Variants in MMUT observed in about 807,000 individuals in gnomAD.
MMUT encodes the protein methylmalonyl-CoA mutase, also known as methylmalonyl-CoA mutase, mitochondrial.
In MMUT, 79 loss-of-function variants were observed where a neutral mutation model predicts 79.9. The observed-to-expected ratio is 0.99, with a 90% CI of 0.82 to 1.19. The LOEUF is 1.19. MMUT is among the 50% of genes most tolerant of loss of function. MMUT has a pLI of 0.00. For synonymous variants in MMUT, 273 were observed against 295.7 expected (o/e 0.92, Z 0.79); for missense variants, 860 against 917.2 (o/e 0.94, Z 0.81).
At chr6:49,455,584 T>C (rs1226420230) in intron 4 of MMUT, among the ~76,000 whole-genome samples, 1 of 152,254 alleles carries the variant, frequency 6.6e-6, no homozygotes, top group African/African-American at 2.4e-5. Context: ...AACCACCGAA[T>C]GACTTTCGAC....
chr6:49,461,866 C>G (rs1767856645), intron 1 of MMUT, among the ~76,000 whole-genome samples: 1 of 152,084 alleles, frequency 6.6e-6, no homozygotes, highest in Non-Finnish European at 1.5e-5. Flanking sequence ...TGCAAGCCAT[C>G]CACTACATTT....
rs1766969018 is a variant in MMUT, at chr6:49,431,434, A to C, written c.*294T>G. 4.9e-6 allele frequency: 1 copy of C among 204,870 alleles called. No homozygotes were observed. Among genetic ancestry groups the C allele is most frequent in the Non-Finnish European group, 9.9e-6 (1 of 100,590 alleles). The allele number at this position is 204,870 out of a possible 1,614,324, so 12.7% of individuals were successfully genotyped here. On this transcript the variant is annotated 3_prime_UTR_variant, in exon 13 of 13. Transcript: ENST00000274813. The stretch of plus-strand genomic sequence containing the variant: ...TAAACAGATTTATAAGAAACATTCT[A>C]ATAAATACATCACCATGATTTTTAA...
rs182726681 is a variant in MMUT, at chr6:49,431,450, T to C, written c.*278A>G. On this transcript the variant is annotated 3_prime_UTR_variant, in exon 13 of 13. Transcript: ENST00000274813. ...AAACATTCTAATAAATACATCACCA[T>C]GATTTTTAAAAATAATACCATTGTC... 3.8e-3 allele frequency: 854 copies of C among 223,086 alleles called. 15 individuals are homozygous for C. Among genetic ancestry groups the C allele is most frequent in the Non-Finnish European group, 7.5e-4 (84 of 111,662 alleles). 13.8% of individuals were successfully genotyped at this position (223,086 alleles called of 1,614,324 possible). A position where few individuals can be genotyped will look rare whatever the true frequency, so the allele number is the denominator to read the frequency against.
In MMUT at chr6:49,444,717, C is replaced by T. The variant is rs139765234; in HGVS notation, c.1598G>A (p.Cys533Tyr). 3.7e-6 allele frequency: 6 copies of T among 1,613,374 alleles called. No individual in the cohort carries two copies. Among genetic ancestry groups the T allele is most frequent in the Non-Finnish European group, 5.1e-6 (6 of 1,179,518 alleles). ...AGCACATTCGGTTAGTGCAGCAAGA[C>T]AACGTTCAGCCAAAGCTTGATCCCT... ...SSRDQALAERCLAALTECAAS... is the reference protein window; with the variant it reads ...SSRDQALAERYLAALTECAAS... The change falls in exon 9 of 13, where the codon TGT (cysteine) becomes TAT (tyrosine). Residue 533 changes from cysteine (C) to tyrosine (Y), a missense_variant. Cys to Tyr is a radical substitution (Grantham distance 194). Transcript: ENST00000274813.
intron 8 of MMUT, 68 bp from the exon 9 acceptor site, chr6:49,444,822 G>A: frequency 8.1e-7 from 1 of 1,237,628 alleles, no homozygotes; most frequent in Non-Finnish European, 1.2e-6. Context: ...CAAGAGATTA[G>A]ACCCTGATGC....
chr6:49,435,656 T>A (rs1581818446), intron 11 of MMUT, 33 bp from the exon 12 acceptor site: 8 of 1,598,180 alleles, frequency 5.0e-6, no homozygotes, highest in Non-Finnish European at 6.8e-6. Flanking sequence ...TAAATCATTG[T>A]TTATTACTAG....
At chr6:49,443,155 G>A (rs534691480) in intron 9 of MMUT, among the ~76,000 whole-genome samples, 1 of 152,238 alleles carries the variant, frequency 6.6e-6, no homozygotes, top group East Asian at 1.9e-4. Flanking sequence ...GTGGAGCAAA[G>A]CACTGACACC....
rs753123265 is a variant in MMUT, at chr6:49,440,352, C to A, written c.1810G>T (p.Val604Phe). ...SKEITSAIKRVHKFMEREGRR... is the reference protein window; with the variant it reads ...SKEITSAIKRFHKFMEREGRR... ...CCTTCACGTTCCATGAATTTATGAACCCTGAAAAACATTTAAAAATATATC... is the reference window on the plus strand; with the variant it reads ...CCTTCACGTTCCATGAATTTATGAAACCTGAAAAACATTTAAAAATATATC... The change falls in exon 11 of 13, where the codon GTT becomes TTT. Residue 604 changes from valine to phenylalanine, a missense_variant and splice_region_variant. By Grantham distance (50) the Val-to-Phe change is conservative (BLOSUM62 -1). Coordinates refer to ENST00000274813, the MANE Select transcript of MMUT (RefSeq NM_000255.4). 5.0e-6 allele frequency: 8 copies of A among 1,613,536 alleles called. No individual in the cohort carries two copies. The highest frequency in any genetic ancestry group is 1.1e-5 in the South Asian group (1 of 91,072).
At position 49,456,987 on chromosome 6, in the gene MMUT, AAATGCTTGCTACAC is replaced by A. The variant is rs1481774120; in HGVS notation, c.753+690_753+703del. 5.9e-5 allele frequency among the ~76,000 whole-genome samples: 9 copies of A among 152,332 alleles called. No individual in the cohort carries two copies. In the South Asian group the frequency reaches 1.7e-3, roughly 28 times the overall value. ...CTTTACCAAGAGTTAACCAAACATAAAATGCTTGCTACACAATGCTTGCTAGAGTTTGGAGATAA... is the reference window on the plus strand; with the variant it reads ...CTTTACCAAGAGTTAACCAAACATAAAATGCTTGCTAGAGTTTGGAGATAA... On this transcript the variant is annotated intron_variant, in intron 3 of 12. Transcript: ENST00000274813.
chr6:49,445,793 AC>A (rs1767397451), intron 8 of MMUT, among the ~76,000 whole-genome samples: 1 of 152,048 alleles, frequency 6.6e-6, no homozygotes, highest in African/African-American at 2.4e-5. Flanking sequence ...TAGATGTGGA[AC>A]CCACAGATAT....
rs1454591071 is a variant in MMUT, at chr6:49,458,070, A to C, written c.386-12T>G. The C allele has an allele frequency of 6.3e-7, 1 of 1,598,924 alleles. No homozygotes were observed. Among genetic ancestry groups the C allele is most frequent in the Admixed American group, 1.7e-5 (1 of 59,948 alleles). On this transcript the variant is annotated splice_polypyrimidine_tract_variant and intron_variant, in intron 2 of 12. Coordinates refer to ENST00000274813, the MANE Select transcript of MMUT (RefSeq NM_000255.4). Reference sequence around the variant, plus strand: ...TCCCTGCTGACCAGCTAAATATATAAAGAAAAATAATGTAAGATTCAAGAG... The same window carrying C: ...TCCCTGCTGACCAGCTAAATATATACAGAAAAATAATGTAAGATTCAAGAG...
Position 49,457,972 on chromosome 6 carries a change from C to T in MMUT, c.472G>A (p.Gly158Arg). ...SDNPRVRGDV[G>R]MAGVAIDTVE... ...GTGTCAATAGCAACTCCAGCCATTC[C>T]AACATCACCACGAACTCGAGGGTTG... Residue 158 changes from glycine (G) to arginine (R), a missense_variant, in exon 3 of 13, where the codon GGA (glycine) becomes AGA (arginine). Coordinates refer to ENST00000274813, the MANE Select transcript of MMUT (RefSeq NM_000255.4). 1 of 1,609,618 alleles carries T rather than the reference C, an allele frequency of 6.2e-7. No individual in the cohort carries two copies.
chr6:49,456,612 T>G (rs538182704), intron 3 of MMUT, among the ~76,000 whole-genome samples: 1 of 152,186 alleles, frequency 6.6e-6, no homozygotes, highest in Non-Finnish European at 1.5e-5. Flanking sequence ...TAAGAGGTTG[T>G]AGACCCAAAC....
At chr6:49,456,028 G>T in intron 4 of MMUT, 52 bp downstream of exon 4, 2 of 1,385,718 alleles carry the variant, frequency 1.4e-6, no homozygotes, top group Non-Finnish European at 2.0e-6. Flanking sequence ...TATATAAAAT[G>T]GTCCTATGCA....
At chr6:49,451,839 A>C (rs573536100) in intron 5 of MMUT, 125 bp from the exon 6 acceptor site, 1 of 1,078,068 alleles carries the variant, frequency 9.3e-7, no homozygotes, top group East Asian at 2.6e-5. Context: ...ATTAAGCTTC[A>C]GAATAGCAAA....
chr6:49,439,930 T>C (rs1303536980), intron 11 of MMUT, among the ~76,000 whole-genome samples: 1 of 152,166 alleles, frequency 6.6e-6, no homozygotes, highest in East Asian at 1.9e-4. Context: ...GTGATCAAGG[T>C]CTCTCCGAAT....
chr6:49,451,241 A>G (rs146120214), intron 6 of MMUT, among the ~76,000 whole-genome samples: 4 of 152,320 alleles, frequency 2.6e-5, no homozygotes, highest in African/African-American at 4.8e-5. Context: ...AATTCTTTTA[A>G]TAAAATACTT....
chr6:49,459,448 G>C lies in MMUT; in HGVS notation c.19C>G (p.Gln7Glu), dbSNP rs761773115. ...TAATGAGGTGAAAGTAAAAAAAGCT[G>C]ATTCTTAGCTCTTAACATGGTGGAG... Reference protein sequence around the residue: MLRAKNQLFLLSPHYLR... With the variant: MLRAKNELFLLSPHYLR... Residue 7 changes from glutamine (Q) to glutamate (E), a missense_variant, in exon 2 of 13, where the codon CAG becomes GAG. Coordinates refer to ENST00000274813, the MANE Select transcript of MMUT (RefSeq NM_000255.4). 6.2e-7 allele frequency: 1 copy of C among 1,612,318 alleles called. No individual in the cohort carries two copies. The highest frequency in any genetic ancestry group is 8.5e-7 in the Non-Finnish European group (1 of 1,179,970).
rs761837307 is a variant in MMUT, at chr6:49,451,447, G to A, written c.1332+19C>T. ...ATCTGTAAATTCTGAAAACAAAGTT[G>A]CAAAGTGGAAAAACTTACCTTTAAA... On this transcript the variant is annotated intron_variant, in intron 6 of 12. Transcript: ENST00000274813. The A allele has an allele frequency of 2.5e-6, 4 of 1,612,936 alleles. No individual in the cohort carries two copies. The highest frequency in any genetic ancestry group is 3.4e-6 in the Non-Finnish European group (4 of 1,179,300).
Sources: gnomAD v4.1 joint callset for allele counts (sites outside exome capture counted in the v4.1 genomes callset) on GRCh38, gnomAD v4.1.1 for gene constraint, MANE v1.5 for transcripts, NCBI Gene and HGNC (gene_info 2026-07-23, HGNC 2026-07-21) for gene names.